The following GRIK1 variants were observed in gnomAD, a reference collection of about 807,000 sequenced individuals.
GRIK1 encodes the protein glutamate ionotropic receptor kainate type subunit 1.
A neutral mutation model predicts 105.7 loss-of-function variants in GRIK1; 69 were observed. The observed-to-expected ratio is 0.65, with a 90% confidence interval of 0.54 to 0.80. The LOEUF is 0.80. Ranked by LOEUF, GRIK1 falls within the 30% of genes least tolerant of loss-of-function variation. GRIK1 has a pLI of 0.00. For synonymous variants in GRIK1, 438 were observed against 431.3 expected (o/e 1.02, Z -0.19); for missense variants, 1,109 against 1,167.3 (o/e 0.95, Z 0.73).
chr21:29,922,523 T>G (rs1034801410), intron 1 of GRIK1, among the ~76,000 whole-genome samples: 2 of 152,142 alleles, frequency 1.3e-5, no homozygotes, highest in Non-Finnish European at 2.9e-5. Flanking sequence ...CAGCATTGGA[T>G]GGACACTACA....
At chr21:29,818,025 G>A (rs1048986429) in intron 1 of GRIK1, among the ~76,000 whole-genome samples, 12 of 152,028 alleles carry the variant, frequency 7.9e-5, no homozygotes, top group Non-Finnish European at 1.3e-4. Context: ...ACTTATTAGG[G>A]ATCAGTTAGG....
chr21:29,565,648 G>T (rs1037153233), intron 14 of GRIK1, among the ~76,000 whole-genome samples: 1 of 152,274 alleles, frequency 6.6e-6, no homozygotes, highest in East Asian at 1.9e-4. Flanking sequence ...TGGCCAGGCT[G>T]GTCTCGAACT....
chr21:29,660,630 T>C (rs935889282), intron 4 of GRIK1, among the ~76,000 whole-genome samples: 1 of 152,256 alleles, frequency 6.6e-6, no homozygotes, highest in African/African-American at 2.4e-5. Flanking sequence ...GGAGTGCTAC[T>C]GAGCAACTTT....
chr21:29,898,902 G>A (rs1018867252), intron 1 of GRIK1, among the ~76,000 whole-genome samples: 2 of 151,994 alleles, frequency 1.3e-5, no homozygotes, highest in Admixed American at 6.6e-5. Flanking sequence ...AACCTGGGAG[G>A]TGGAGGTTGC....
intron 9 of GRIK1, among the ~76,000 whole-genome samples, chr21:29,594,289 T>C (rs2061372193): frequency 6.6e-6 from 1 of 152,210 alleles, no homozygotes; most frequent in African/African-American, 2.4e-5. Flanking sequence ...AATGAATATG[T>C]TCTCAGGAAA....
At position 29,852,284 on chromosome 21, in the gene GRIK1, C is replaced by T. The variant is rs117647689; in HGVS notation, c.118+87099G>A. On this transcript the variant is annotated intron_variant, in intron 1 of 17. Transcript: ENST00000327783. ...CACAGAGCACTTTTCACTTTCCTTG[C>T]GCTTAAATGCAAATAGTGACTGTTA... Among the ~76,000 whole-genome samples the T allele has an allele frequency of 2.4e-3, 370 of 152,270 alleles. 1 individual carries two copies. Among genetic ancestry groups the T allele is most frequent in the Non-Finnish European group, 4.0e-3 (269 of 68,016 alleles).
chr21:29,618,836 T>G (rs1357938056), intron 7 of GRIK1, among the ~76,000 whole-genome samples: 3 of 152,114 alleles, frequency 2.0e-5, no homozygotes, highest in African/African-American at 7.2e-5. Context: ...GCCATAAGAA[T>G]GATACAAGGG....
chr21:29,538,009 C>G, intron 16 of GRIK1, 125 bp from the exon 17 acceptor site: 1 of 615,622 alleles, frequency 1.6e-6, no homozygotes, highest in Non-Finnish European at 2.9e-6. Context: ...CTGAACTTCA[C>G]AGCAAAAACG....
intron 7 of GRIK1, among the ~76,000 whole-genome samples, chr21:29,610,667 T>A (rs896384492): frequency 2.0e-5 from 3 of 152,170 alleles, no homozygotes; most frequent in Non-Finnish European, 4.4e-5. Flanking sequence ...ATGAGACTTG[T>A]GTTAGAGTTC....
intron 1 of GRIK1, 95 bp downstream of exon 1, chr21:29,939,288 C>G: frequency 1.4e-6 from 1 of 732,000 alleles, no homozygotes; most frequent in Non-Finnish European, 2.3e-6. Context: ...CCGGCTCCTG[C>G]GCCGCCGCGC....
At chr21:29,694,211 G>A (rs549243008) in intron 1 of GRIK1, 148 bp from the exon 2 acceptor site, 48 of 581,158 alleles carry the variant, frequency 8.3e-5, no homozygotes, top group African/African-American at 6.5e-4. Context: ...TGCAACCTCC[G>A]CCTCTGGGTT....
In GRIK1 at chr21:29,715,616, A is replaced by G. The variant is rs528694493; in HGVS notation, c.119-21553T>C. On this transcript the variant is annotated intron_variant, in intron 1 of 17. Coordinates refer to ENST00000327783, the MANE Select transcript of GRIK1 (RefSeq NM_001330994.2). ...CCTAATGCTGACCCTACCAAGAACT[A>G]GACTTAGAGAGTTAGGGCCATAGTC... Among the ~76,000 whole-genome samples, 31 of 150,970 alleles carry G rather than the reference A, an allele frequency of 2.1e-4. 1 individual carries two copies. The South Asian group carries it at 6.6e-3, about 32-fold the overall frequency.
At chr21:29,814,255 A>G (rs1217955280) in intron 1 of GRIK1, among the ~76,000 whole-genome samples, 1 of 151,712 alleles carries the variant, frequency 6.6e-6, no homozygotes, top group Non-Finnish European at 1.5e-5. Context: ...CCAGCTCCCA[A>G]GAAACTTTCT....
intron 14 of GRIK1, among the ~76,000 whole-genome samples, chr21:29,566,183 A>G (rs1397006183): frequency 6.6e-6 from 1 of 152,172 alleles, no homozygotes; most frequent in Non-Finnish European, 1.5e-5. Context: ...GTGTTTTTGT[A>G]CTTCTAAATC....
chr21:29,561,227 T>C (rs576725820), intron 15 of GRIK1, among the ~76,000 whole-genome samples: 1 of 152,210 alleles, frequency 6.6e-6, no homozygotes, highest in Non-Finnish European at 1.5e-5. Flanking sequence ...CCTCTCACTT[T>C]TGCTGTCCAT....
chr21:29,895,279 G>C (rs972301367), intron 1 of GRIK1, among the ~76,000 whole-genome samples: 2 of 152,096 alleles, frequency 1.3e-5, no homozygotes, highest in Non-Finnish European at 2.9e-5. Flanking sequence ...GTGTATTTCT[G>C]GGCATGTCTA....
At chr21:29,934,404 G>C (rs574812015) in intron 1 of GRIK1, among the ~76,000 whole-genome samples, 157 of 152,282 alleles carry the variant, frequency 1.0e-3, no homozygotes, top group Non-Finnish European at 2.0e-3. Context: ...GTTAACGTTA[G>C]TCAGGCACTC....
intron 1 of GRIK1, among the ~76,000 whole-genome samples, chr21:29,869,165 C>T (rs556489090): frequency 9.9e-5 from 15 of 151,970 alleles, no homozygotes; most frequent in East Asian, 3.9e-4. Flanking sequence ...AGACCTTTTC[C>T]GACTCCTGAG....
intron 15 of GRIK1, among the ~76,000 whole-genome samples, chr21:29,559,225 T>C (rs138335921): frequency 0.01 from 1,588 of 152,336 alleles, 19 homozygotes; most frequent in Non-Finnish European, 0.017. Context: ...ATCTGATCTA[T>C]GGCCCGTTTA....
Sources: gnomAD v4.1 joint callset for allele counts (sites outside exome capture counted in the v4.1 genomes callset) on GRCh38, gnomAD v4.1.1 for gene constraint, MANE v1.5 for transcripts, NCBI Gene and HGNC (gene_info 2026-07-23, HGNC 2026-07-21) for gene names.